Variants in FAR2 observed in about 807,000 individuals in gnomAD.
The protein encoded by FAR2 is epididymis secretory protein Li 81.
In FAR2, 19 loss-of-function variants were observed where a neutral mutation model predicts 56.0. The observed-to-expected ratio is 0.34, with a 90% CI of 0.24 to 0.50. FAR2 has a LOEUF of 0.50. FAR2 is among the 20% of genes least tolerant of loss of function. FAR2 has a pLI of 0.98. For synonymous variants in FAR2, 219 were observed against 218.8 expected (o/e 1.00, Z -0.01); for missense variants, 508 against 642.2 (o/e 0.79, Z 2.26).
At position 29,333,870 on chromosome 12, in the gene FAR2, GA is replaced by G. The variant is rs1949765292; in HGVS notation, c.*79del. The G allele has an allele frequency of 1.3e-5, 18 of 1,391,140 alleles. No individual in the cohort carries two copies. The highest frequency in any genetic ancestry group is 1.8e-5 in the Non-Finnish European group (18 of 1,003,676). 86.2% of individuals were successfully genotyped at this position (1,391,140 alleles called of 1,614,324 possible). A position where few individuals can be genotyped will look rare whatever the true frequency, so the allele number is the denominator to read the frequency against. ...CAGCAAACTGTGATTCTCAAGATTAGAAAGTAACAAGGAATATGCCCAAACT... is the reference window on the plus strand; with the variant it reads ...CAGCAAACTGTGATTCTCAAGATTAGAAGTAACAAGGAATATGCCCAAACT... On this transcript the variant is annotated 3_prime_UTR_variant, in exon 12 of 12. Transcript: ENST00000536681.
rs943233569 is a variant in FAR2, at chr12:29,188,267, G to A, written c.-39+38860G>A. 5.9e-5 allele frequency among the ~76,000 whole-genome samples: 9 copies of A among 151,924 alleles called. 1 individual carries two copies. The highest frequency in any genetic ancestry group is 2.2e-4 in the African/African-American group (9 of 41,352). ...TGTTTTCTTTTAGTATTTTAGTGAG[G>A]TCCATAAAACCTCACCTTTAGCTTC... On this transcript the variant is annotated intron_variant, in intron 1 of 11. Coordinates refer to ENST00000536681, the MANE Select transcript of FAR2 (RefSeq NM_001271783.2).
chr12:29,320,281 T>C (rs778067450), intron 9 of FAR2, among the ~76,000 whole-genome samples: 3 of 152,212 alleles, frequency 2.0e-5, no homozygotes, highest in Middle Eastern at 3.2e-3. Context: ...TAGGTTGATA[T>C]AGTTCTGTAC....
At position 29,297,004 on chromosome 12, in the gene FAR2, T is replaced by C. The variant is rs986879139; in HGVS notation, c.366-17T>C. 6.4e-7 allele frequency: 1 copy of C among 1,574,184 alleles called. No individual in the cohort carries two copies. The highest frequency in any genetic ancestry group is 1.4e-5 in the African/African-American group (1 of 73,342). ...TGACTTACTTCATTGTATTTCCTTC[T>C]GCTTAATCTTCTCTAGACATGCTGT... On this transcript the variant is annotated splice_polypyrimidine_tract_variant and intron_variant, in intron 3 of 11. Coordinates refer to ENST00000536681, the MANE Select transcript of FAR2 (RefSeq NM_001271783.2).
chr12:29,311,280 G>C lies in FAR2; in HGVS notation c.887+134G>C, dbSNP rs944291245. ...AAAGTGCGTATTTCAATATTTTATA[G>C]AGTTCCTAATATGCCATCATATATG... is the stretch of plus-strand genomic sequence containing the variant. On this transcript the variant is annotated intron_variant, in intron 7 of 11. Coordinates refer to ENST00000536681, the MANE Select transcript of FAR2 (RefSeq NM_001271783.2). 4.6e-6 allele frequency: 3 copies of C among 647,584 alleles called. No individual in the cohort carries two copies. In the African/African-American group the frequency reaches 5.4e-5, roughly 12 times the overall value. 40.1% of individuals were successfully genotyped at this position (647,584 alleles called of 1,614,324 possible).
At chr12:29,160,023 A>C (rs34624113) in intron 1 of FAR2, among the ~76,000 whole-genome samples, 2,225 of 152,288 alleles carry the variant, frequency 0.015, 33 homozygotes, top group African/African-American at 0.046. Context: ...ATAAGTCCTT[A>C]CTTATTCTCC....
intron 1 of FAR2, among the ~76,000 whole-genome samples, chr12:29,212,708 C>T (rs900870079): frequency 2.6e-4 from 39 of 152,172 alleles, no homozygotes; most frequent in African/African-American, 8.7e-4. Context: ...CCCCATAAAA[C>T]GGCATTACCA....
intron 5 of FAR2, 74 bp downstream of exon 5, chr12:29,307,909 C>A (rs180729160): frequency 1.4e-6 from 2 of 1,425,234 alleles, no homozygotes; most frequent in Non-Finnish European, 9.5e-7. Context: ...TTTCTGATGT[C>A]TTTCTTCTTC....
Position 29,184,422 on chromosome 12 carries a change from CTTTTTTTTTTTTTTTTTT to C in FAR2, c.-39+35028_-39+35045del, listed in dbSNP as rs71042961. On this transcript the variant is annotated intron_variant, in intron 1 of 11. Transcript: ENST00000536681. Reference sequence around the variant, plus strand: ...ACCATTGTAAAGGCCAATCTAGCATCTTTTTTTTTTTTTTTTTTTTTTTTTTTTTTGAGATGGAGTCTC... The same window carrying C: ...ACCATTGTAAAGGCCAATCTAGCATCTTTTTTTTTTTTGAGATGGAGTCTC... Among the ~76,000 whole-genome samples the C allele has an allele frequency of 4.9e-4, 29 of 59,718 alleles. 1 individual carries two copies. Among genetic ancestry groups the C allele is most frequent in the African/African-American group, 2.0e-3 (27 of 13,746 alleles). 39.2% of individuals were successfully genotyped at this position (59,718 alleles called of 152,430 possible).
intron 1 of FAR2, among the ~76,000 whole-genome samples, chr12:29,268,895 G>C (rs960905965): frequency 5.3e-5 from 8 of 152,150 alleles, no homozygotes; most frequent in African/African-American, 1.9e-4. Flanking sequence ...TTTTCAAAAG[G>C]GGAGGGAGTG....
Position 29,218,078 on chromosome 12 carries a change from C to T in FAR2, c.-38-52334C>T, listed in dbSNP as rs1221403860. Among the ~76,000 whole-genome samples, 11 of 151,194 alleles carry T rather than the reference C, an allele frequency of 7.3e-5. No homozygotes were observed. The East Asian group carries it at 9.8e-4, about 13-fold the overall frequency. On this transcript the variant is annotated intron_variant, in intron 1 of 11. Transcript: ENST00000536681. ...TAAAATTAAGATGGGCTTGATTGGC[C>T]GGGTGTGGTGGCTCACGCCTGTAAT... is the stretch of plus-strand genomic sequence containing the variant.
At chr12:29,284,239 AAAATGGT>A (rs1221249358) in intron 2 of FAR2, among the ~76,000 whole-genome samples, 1 of 152,248 alleles carries the variant, frequency 6.6e-6, no homozygotes, top group Non-Finnish European at 1.5e-5. Flanking sequence ...GATAATACCA[AAAATGGT>A]CAACCTTTTC....
intron 1 of FAR2, among the ~76,000 whole-genome samples, chr12:29,265,207 C>T (rs1948493634): frequency 6.6e-6 from 1 of 152,110 alleles, no homozygotes; most frequent in Admixed American, 6.6e-5. Flanking sequence ...ACAAAAGACC[C>T]AGATCTGCCA....
intron 1 of FAR2, among the ~76,000 whole-genome samples, chr12:29,258,154 A>G (rs1246878250): frequency 6.7e-6 from 1 of 149,844 alleles, no homozygotes; most frequent in African/African-American, 2.5e-5. Context: ...GACTAGCCTG[A>G]CCAACAAGGT....
At chr12:29,290,597 C>T (rs1024649296) in intron 2 of FAR2, among the ~76,000 whole-genome samples, 1 of 152,110 alleles carries the variant, frequency 6.6e-6, no homozygotes, top group African/African-American at 2.4e-5. Context: ...TTGGAAGCCA[C>T]CTAAGTGTCC....
At chr12:29,224,173 G>T (rs1947731206) in intron 1 of FAR2, among the ~76,000 whole-genome samples, 1 of 152,196 alleles carries the variant, frequency 6.6e-6, no homozygotes, top group African/African-American at 2.4e-5. Context: ...GTTGCAAGTT[G>T]TTGAAGCATT....
intron 1 of FAR2, among the ~76,000 whole-genome samples, chr12:29,264,755 A>G (rs1385781566): frequency 1.3e-5 from 2 of 152,080 alleles, no homozygotes; most frequent in Non-Finnish European, 2.9e-5. Context: ...TTTGCATATG[A>G]TATGATCTTA....
intron 1 of FAR2, among the ~76,000 whole-genome samples, chr12:29,230,543 C>T (rs770820182): frequency 2.0e-5 from 3 of 151,898 alleles, no homozygotes; most frequent in Admixed American, 6.6e-5. Context: ...AGTGGATCAC[C>T]GGGTCTGACA....
chr12:29,206,606 A>T (rs1220890399), intron 1 of FAR2, among the ~76,000 whole-genome samples: 2 of 152,188 alleles, frequency 1.3e-5, no homozygotes, highest in African/African-American at 4.8e-5. Flanking sequence ...GCACAGTGGG[A>T]CTCAATTCTC....
rs1253144255 is a variant in FAR2, at chr12:29,308,707, C to CATATATATATATATAT, written c.724-478_724-477insTATATATATATATATA. On this transcript the variant is annotated intron_variant, in intron 5 of 11. Transcript: ENST00000536681. ...ACACACAGACACACACACACACACA[C>CATATATATATATATAT]ACACACACACACATATATATATATA... Among the ~76,000 whole-genome samples the CATATATATATATATAT allele has an allele frequency of 3.4e-4, 47 of 136,972 alleles. 2 individuals are homozygous for CATATATATATATATAT. Among genetic ancestry groups the CATATATATATATATAT allele is most frequent in the African/African-American group, 1.4e-3 (44 of 30,754 alleles). The allele number at this position is 136,972 out of a possible 152,430, so 89.9% of individuals were successfully genotyped here.
Sources: allele counts gnomAD v4.1 joint callset (sites outside exome capture counted in the v4.1 genomes callset), GRCh38; gene constraint gnomAD v4.1.1; transcripts MANE v1.5; gene names NCBI Gene and HGNC (gene_info 2026-07-23, HGNC 2026-07-21).